NALF1: variants seen among roughly 807,000 people sequenced by gnomAD.
NALF1 encodes the protein NALCN channel auxiliary factor 1, also known as family with sequence similarity 155 member A.
In NALF1, 3 loss-of-function variants were observed where a neutral mutation model predicts 48.4. That is an observed-to-expected ratio of 0.06 (90% CI 0.03 to 0.16). The LOEUF is 0.16. NALF1 is among the 10% of genes least tolerant of loss of function. NALF1 has a pLI of 1.00. For missense variants in NALF1, 526 were observed against 571.5 expected, an observed-to-expected ratio of 0.92 and a Z score of 0.81; for synonymous variants, 262 against 245.7, an observed-to-expected ratio of 1.07 and a Z score of -0.62.
At chr13:107,861,194 A>T (rs1207963943) in intron 1 of NALF1, among the ~76,000 whole-genome samples, 1 of 152,250 alleles carries the variant, frequency 6.6e-6, no homozygotes, top group Non-Finnish European at 1.5e-5. Flanking sequence ...CTTCAACCTC[A>T]TAAATAGCTT....
At chr13:107,376,590 C>T (rs891151152) in intron 1 of NALF1, among the ~76,000 whole-genome samples, 3 of 152,176 alleles carry the variant, frequency 2.0e-5, no homozygotes, top group African/African-American at 7.2e-5. Context: ...AATCTGCCAC[C>T]ATCTCTCCCC....
rs139848379 is a variant in NALF1, at chr13:107,656,091, T to C, written c.915+209591A>G. On this transcript the variant is annotated intron_variant, in intron 1 of 2. Coordinates refer to ENST00000375915, the MANE Select transcript of NALF1 (RefSeq NM_001080396.3). The stretch of plus-strand genomic sequence containing the variant: ...AACTTTGGAAAATCCCTTCTAGACA[T>C]TGACTTAGGCAAAGGCTTCATGACC... Among the ~76,000 whole-genome samples the C allele has an allele frequency of 8.4e-4, 127 of 151,968 alleles. 3 individuals carry two copies. The East Asian group carries it at 0.021, about 26-fold the overall frequency.
intron 1 of NALF1, among the ~76,000 whole-genome samples, chr13:107,325,014 G>A (rs1358003685): frequency 6.6e-6 from 1 of 152,176 alleles, no homozygotes; most frequent in Non-Finnish European, 1.5e-5. Context: ...TTGTAAAGAT[G>A]ACTATTGCAA....
At chr13:107,403,187 GCTTTTTTTT>G (rs1417678815) in intron 1 of NALF1, among the ~76,000 whole-genome samples, 11 of 77,590 alleles carry the variant, frequency 1.4e-4, no homozygotes, top group African/African-American at 5.9e-4. Flanking sequence ...TCTTGTTCGG[GCTTTTTTTT>G]TTTTTTTTTT....
At chr13:107,833,547 G>A (rs564047581) in intron 1 of NALF1, among the ~76,000 whole-genome samples, 1 of 152,130 alleles carries the variant, frequency 6.6e-6, no homozygotes, top group Non-Finnish European at 1.5e-5. Context: ...TTTCTTGGGT[G>A]CCATGTTTAA....
chr13:107,345,229 G>A (rs949902599), intron 1 of NALF1, among the ~76,000 whole-genome samples: 12 of 151,976 alleles, frequency 7.9e-5, no homozygotes, highest in Admixed American at 6.6e-4. Context: ...ATGTTTATAC[G>A]ACTCAAAGCA....
rs371498365 is a variant in NALF1 at position 107,365,027 on chromosome 13, CCCT to C, written c.916-154275_916-154273del. Among the ~76,000 whole-genome samples, 84 of 120,700 alleles carry C rather than the reference CCCT, an allele frequency of 7.0e-4. No individual in the cohort carries two copies. In the East Asian group the frequency reaches 8.8e-3, roughly 13 times the overall value. 79.2% of individuals were successfully genotyped at this position (120,700 alleles called of 152,430 possible). A position where few individuals can be genotyped will look rare whatever the true frequency, so the allele number is the denominator to read the frequency against. On this transcript the variant is annotated intron_variant, in intron 1 of 2. Coordinates refer to ENST00000375915, the MANE Select transcript of NALF1 (RefSeq NM_001080396.3). ...TCTTCCTCCACCTCCCTCTCCCCCT[CCCT>C]CCTCCTCCTCCTTCTCTCTCTCCCT...
intron 1 of NALF1, among the ~76,000 whole-genome samples, chr13:107,290,198 A>AACAAAAAAAAAG (rs1555330705): frequency 6.7e-6 from 1 of 149,010 alleles, no homozygotes. Context: ...AAAAAAAAAA[A>AACAAAAAAAAAG]CCAGAAATAC....
chr13:107,758,060 C>T (rs906836663), intron 1 of NALF1, among the ~76,000 whole-genome samples: 5 of 152,034 alleles, frequency 3.3e-5, no homozygotes, highest in African/African-American at 1.2e-4. Context: ...TCTTCAACAC[C>T]ACCCTTCAAA....
intron 1 of NALF1, among the ~76,000 whole-genome samples, chr13:107,786,416 CAAAAAAAAAAAAAA>C (rs34857705): frequency 3.4e-5 from 1 of 29,714 alleles, no homozygotes; most frequent in Non-Finnish European, 5.9e-5. Context: ...AACTCTTTCT[CAAAAAAAAAAAAAA>C]AAAAAAAAAA....
At chr13:107,558,851 C>G (rs1486919897) in intron 1 of NALF1, among the ~76,000 whole-genome samples, 1 of 152,098 alleles carries the variant, frequency 6.6e-6, no homozygotes, top group East Asian at 1.9e-4. Context: ...AGCTCTCTTT[C>G]CTCTTGAGCT....
chr13:107,325,853 CACAT>C (rs1455945823), intron 1 of NALF1, among the ~76,000 whole-genome samples: 1,372 of 49,900 alleles, frequency 0.027, 48 homozygotes, highest in African/African-American at 0.085. Context: ...CACACACACA[CACAT>C]ATATATATAT....
intron 1 of NALF1, among the ~76,000 whole-genome samples, chr13:107,830,614 T>C (rs1338434400): frequency 6.6e-6 from 1 of 152,354 alleles, no homozygotes; most frequent in African/African-American, 2.4e-5. Flanking sequence ...CCTTTGGCCA[T>C]GTTTTAATCA....
At chr13:107,595,644 T>C (rs893103061) in intron 1 of NALF1, among the ~76,000 whole-genome samples, 2 of 152,174 alleles carry the variant, frequency 1.3e-5, no homozygotes, top group African/African-American at 4.8e-5. Context: ...TTCCAGATAA[T>C]TGCTTTTTAA....
intron 1 of NALF1, among the ~76,000 whole-genome samples, chr13:107,490,272 G>A (rs532852635): frequency 4.6e-5 from 7 of 152,176 alleles, no homozygotes; most frequent in East Asian, 3.9e-4. Flanking sequence ...ACACACACTC[G>A]CATGTGTTCA....
intron 1 of NALF1, among the ~76,000 whole-genome samples, chr13:107,413,520 T>C (rs1156243248): frequency 1.3e-5 from 2 of 152,142 alleles, no homozygotes; most frequent in African/African-American, 4.8e-5. Flanking sequence ...ACAATTGAAT[T>C]GTAGATGCTG....
In NALF1 at chr13:107,831,445, T is replaced by C. The variant is rs1879727119; in HGVS notation, c.915+34237A>G. ...TGTATAATAATTTGCAGAGATGGAA[T>C]GTAGTCATGGCAACATCTTGGGCCC... is the stretch of plus-strand genomic sequence containing the variant. On this transcript the variant is annotated intron_variant, in intron 1 of 2. Coordinates refer to ENST00000375915, the MANE Select transcript of NALF1 (RefSeq NM_001080396.3). 2.0e-5 allele frequency among the ~76,000 whole-genome samples: 3 copies of C among 152,248 alleles called. No homozygotes were observed. The South Asian group carries it at 6.2e-4, about 32-fold the overall frequency.
At chr13:107,772,712 T>C (rs1877613003) in intron 1 of NALF1, among the ~76,000 whole-genome samples, 1 of 152,240 alleles carries the variant, frequency 6.6e-6, no homozygotes, top group Admixed American at 6.5e-5. Flanking sequence ...CTGTGAACTA[T>C]ATCCCTTCTT....
At chr13:107,859,108 C>T (rs750184457) in intron 1 of NALF1, among the ~76,000 whole-genome samples, 3 of 152,080 alleles carry the variant, frequency 2.0e-5, no homozygotes, top group Non-Finnish European at 4.4e-5. Flanking sequence ...ATGCAGCTAA[C>T]AAATGGCAGG....
Sources: allele counts gnomAD v4.1 joint callset (sites outside exome capture counted in the v4.1 genomes callset), GRCh38; gene constraint gnomAD v4.1.1; transcripts MANE v1.5; gene names NCBI Gene and HGNC (gene_info 2026-07-23, HGNC 2026-07-21).